The following MACROD2 variants were observed in gnomAD, a reference collection of about 807,000 sequenced individuals.
MACROD2 encodes the protein ADP-ribose glycohydrolase MACROD2.
Under a neutral mutation model 70.4 loss-of-function variants are expected in MACROD2, and 36 were observed. The observed-to-expected ratio is 0.51, with a 90% CI of 0.39 to 0.68. MACROD2 has a LOEUF of 0.68. Ranked by LOEUF, MACROD2 falls within the 30% of genes least tolerant of loss-of-function variation. The pLI, the probability that MACROD2 is intolerant of heterozygous loss-of-function variation, is 0.00. For synonymous variants in MACROD2, 172 were observed against 178.8 expected (o/e 0.96, Z 0.30); for missense variants, 496 against 538.4 (o/e 0.92, Z 0.78).
At chr20:15,662,715 G>T (rs867550329) in intron 8 of MACROD2, among the ~76,000 whole-genome samples, 2,268 of 146,880 alleles carry the variant, frequency 0.015, 63 homozygotes, top group African/African-American at 0.054. Context: ...CTCAGAGAGG[G>T]TTTTTTTTTT....
intron 8 of MACROD2, among the ~76,000 whole-genome samples, chr20:15,569,307 CAT>C (rs2048347166): frequency 6.6e-6 from 1 of 152,070 alleles, no homozygotes; most frequent in Non-Finnish European, 1.5e-5. Flanking sequence ...ATATATTTAT[CAT>C]GTGTAACAGG....
At chr20:15,988,647 T>C (rs2066518285) in intron 15 of MACROD2, among the ~76,000 whole-genome samples, 1 of 152,150 alleles carries the variant, frequency 6.6e-6, no homozygotes, top group Non-Finnish European at 1.5e-5. Context: ...CTTTTTCTGA[T>C]AATGGTGGAA....
chr20:14,447,307 T>C (rs2084193668), intron 3 of MACROD2, among the ~76,000 whole-genome samples: 1 of 152,104 alleles, frequency 6.6e-6, no homozygotes, highest in Non-Finnish European at 1.5e-5. Context: ...CGTGAGCCAC[T>C]GCGCCCAGCC....
At chr20:14,484,011 G>A (rs966578600) in intron 3 of MACROD2, among the ~76,000 whole-genome samples, 20 of 152,118 alleles carry the variant, frequency 1.3e-4, no homozygotes, top group African/African-American at 4.3e-4. Context: ...AGGTGAAAAT[G>A]TTTCATTGAT....
intron 5 of MACROD2, among the ~76,000 whole-genome samples, chr20:15,059,254 G>A (rs1029374458): frequency 2.0e-4 from 30 of 152,078 alleles, no homozygotes; most frequent in Admixed American, 1.4e-3. Flanking sequence ...GTGTGGTGGC[G>A]CATGCCTGTA....
intron 4 of MACROD2, among the ~76,000 whole-genome samples, chr20:14,658,835 A>C (rs917804095): frequency 3.3e-5 from 5 of 152,206 alleles, no homozygotes; most frequent in Non-Finnish European, 7.3e-5. Context: ...GCTGGTCTCA[A>C]ACTCCTGAGC....
At chr20:15,769,240 C>T (rs899257535) in intron 8 of MACROD2, among the ~76,000 whole-genome samples, 9 of 152,126 alleles carry the variant, frequency 5.9e-5, no homozygotes, top group African/African-American at 9.7e-5. Context: ...TTCCGCCTCC[C>T]GGGTTCAAGC....
At chr20:14,572,448 T>C (rs1980256750) in intron 4 of MACROD2, among the ~76,000 whole-genome samples, 1 of 151,762 alleles carries the variant, frequency 6.6e-6, no homozygotes, top group Non-Finnish European at 1.5e-5. Flanking sequence ...TCAAGAAAAA[T>C]ATGTGAAATA....
At chr20:14,256,837 A>G (rs1601406234) in intron 3 of MACROD2, among the ~76,000 whole-genome samples, 1 of 152,128 alleles carries the variant, frequency 6.6e-6, no homozygotes, top group African/African-American at 2.4e-5. Flanking sequence ...GATTTACTCT[A>G]CTACCTTCAT....
At chr20:15,245,517 A>G (rs933079016) in intron 6 of MACROD2, among the ~76,000 whole-genome samples, 26 of 152,204 alleles carry the variant, frequency 1.7e-4, no homozygotes, top group Non-Finnish European at 3.5e-4. Context: ...TAATAATTCA[A>G]TGATGCCCCT....
chr20:14,093,588 A>G (rs1699471322), intron 3 of MACROD2, among the ~76,000 whole-genome samples: 3 of 152,050 alleles, frequency 2.0e-5, no homozygotes, highest in Admixed American at 6.6e-5. Context: ...ATATTTTGGT[A>G]CATATGCTTA....
intron 4 of MACROD2, among the ~76,000 whole-genome samples, chr20:14,587,955 G>T (rs1209892577): frequency 1.3e-5 from 2 of 152,018 alleles, no homozygotes; most frequent in African/African-American, 4.8e-5. Context: ...TAAGATTTAT[G>T]ATTGTAGCTT....
At chr20:15,498,992 C>T (rs1337645393) in intron 7 of MACROD2, among the ~76,000 whole-genome samples, 1 of 152,164 alleles carries the variant, frequency 6.6e-6, no homozygotes, top group Admixed American at 6.5e-5. Context: ...CTGCTTCCTG[C>T]TCTGTAAATA....
In MACROD2 at chr20:15,347,895, A is replaced by G. The variant is rs7268676; in HGVS notation, c.541-83510A>G. ...TGAATGAATTTTTTGGCTGATAGGA[A>G]TATACAACATATAGATTCCAAGACA... On this transcript the variant is annotated intron_variant, in intron 6 of 17. Coordinates refer to ENST00000684519, the MANE Select transcript of MACROD2 (RefSeq NM_001351661.2). 4.9e-3 allele frequency among the ~76,000 whole-genome samples: 744 copies of G among 152,312 alleles called. 10 individuals carry two copies. The highest frequency in any genetic ancestry group is 0.017 in the African/African-American group (726 of 41,566).
rs1034370855 is a variant in MACROD2 at position 14,565,551 on chromosome 20, A to G, written c.301+72043A>G. Among the ~76,000 whole-genome samples, 9 of 151,778 alleles carry G rather than the reference A, an allele frequency of 5.9e-5. No homozygotes were observed. In the East Asian group the frequency reaches 1.2e-3, roughly 20 times the overall value. On this transcript the variant is annotated intron_variant, in intron 4 of 17. Transcript: ENST00000684519. ...TTCCCCTCAGCATGAATCTCGGAAA[A>G]TTCCTCTAGATTGTTGCATGTTTCA...
chr20:15,684,747 T>C (rs1011824516), intron 8 of MACROD2, among the ~76,000 whole-genome samples: 1 of 152,328 alleles, frequency 6.6e-6, no homozygotes, highest in East Asian at 1.9e-4. Flanking sequence ...AGATATAGTA[T>C]GCACTTGAAA....
chr20:14,206,370 C>T (rs1231180615), intron 3 of MACROD2, among the ~76,000 whole-genome samples: 1 of 152,178 alleles, frequency 6.6e-6, no homozygotes, highest in Non-Finnish European at 1.5e-5. Flanking sequence ...ACCAACCCAT[C>T]AGGTGATTCT....
At chr20:14,660,645 T>C (rs1472023603) in intron 4 of MACROD2, among the ~76,000 whole-genome samples, 1 of 152,128 alleles carries the variant, frequency 6.6e-6, no homozygotes. Context: ...ATCACCCAAG[T>C]AGCGAACATA....
intron 4 of MACROD2, among the ~76,000 whole-genome samples, chr20:14,561,292 T>G (rs1479326431): frequency 6.6e-6 from 1 of 151,914 alleles, no homozygotes; most frequent in Non-Finnish European, 1.5e-5. Context: ...AAGACTAACT[T>G]TTTCAAATTT....
Sources: allele counts gnomAD v4.1 joint callset (sites outside exome capture counted in the v4.1 genomes callset), GRCh38; gene constraint gnomAD v4.1.1; transcripts MANE v1.5; gene names NCBI Gene and HGNC (gene_info 2026-07-23, HGNC 2026-07-21).